IL1RAPL2: variants seen among roughly 807,000 people sequenced by gnomAD.
IL1RAPL2 encodes X-linked interleukin-1 receptor accessory protein-like 2.
In IL1RAPL2, 3 loss-of-function variants were observed where a neutral mutation model predicts 44.1. The ratio of observed to expected loss-of-function variants is 0.07; its 90% confidence interval spans 0.03 to 0.18. The LOEUF (loss-of-function observed/expected upper bound fraction) is 0.18. IL1RAPL2 is among the 10% of genes least tolerant of loss of function. IL1RAPL2 has a pLI of 1.00. For missense variants in IL1RAPL2, 391 were observed against 496.4 expected (o/e 0.79, Z 2.02); for synonymous variants, 181 against 178.8 (o/e 1.01, Z -0.10).
chrX:105,624,974 GA>G (rs760768246), intron 6 of IL1RAPL2, among the ~76,000 whole-genome samples: 1 of 111,952 alleles, frequency 8.9e-6, no homozygotes, highest in African/African-American at 3.2e-5. Flanking sequence ...ATTTCTTTAT[GA>G]TATACAACAG....
intron 6 of IL1RAPL2, among the ~76,000 whole-genome samples, chrX:105,537,601 C>A (rs909209051): frequency 8.9e-6 from 1 of 111,888 alleles, no homozygotes; most frequent in African/African-American, 3.3e-5. Flanking sequence ...ATCAATACTG[C>A]TTGAGTGTGA....
At chrX:105,676,077 A>AT (rs1469518368) in intron 6 of IL1RAPL2, 7 of 111,456 alleles carry the variant, frequency 6.3e-5, no homozygotes, top group Admixed American at 1.9e-4. Flanking sequence ...AGCTAAAAAT[A>AT]TGGAACACTT....
chrX:104,683,135 G>A (rs1930919127), intron 2 of IL1RAPL2, among the ~76,000 whole-genome samples: 1 of 111,449 alleles, frequency 9.0e-6, no homozygotes, highest in South Asian at 3.8e-4. Flanking sequence ...TACACTTGCT[G>A]TATACTGCCC....
At chrX:104,628,800 T>G (rs746930598) in intron 1 of IL1RAPL2, among the ~76,000 whole-genome samples, 1 of 112,570 alleles carries the variant, frequency 8.9e-6, no homozygotes, top group East Asian at 2.8e-4. Flanking sequence ...CCAGGAATTC[T>G]TTTTGTATGA....
At position 105,309,890 on chromosome X, in the gene IL1RAPL2, A is replaced by G. The variant is rs185030425; in HGVS notation, c.697+42349A>G. ...CAAGTATACATATGTGTATGTGTGC[A>G]TATTTATATATAAAGGCCTTTTGCA... On this transcript the variant is annotated intron_variant, in intron 5 of 10. Transcript: ENST00000372582. Among the ~76,000 whole-genome samples the G allele has an allele frequency of 4.4e-3, 495 of 111,747 alleles. 4 individuals are homozygous for G. Among genetic ancestry groups the G allele is most frequent in the African/African-American group, 0.015 (467 of 30,751 alleles).
intron 5 of IL1RAPL2, among the ~76,000 whole-genome samples, chrX:105,460,298 T>C (rs944980141): frequency 1.8e-5 from 2 of 111,226 alleles, no homozygotes; most frequent in East Asian, 5.7e-4. Context: ...TGAAAAATCT[T>C]ATCGTATGTC....
rs1394504781 is a variant in IL1RAPL2 at position 104,611,285 on chromosome X, C to T, written c.-20+44234C>T. On this transcript the variant is annotated intron_variant, in intron 1 of 10. Coordinates refer to ENST00000372582, the MANE Select transcript of IL1RAPL2 (RefSeq NM_017416.2). Reference sequence around the variant, plus strand: ...AGCACCTTCCCCCAGGTGCTCTGTCCCAGGGAGATGAGGGTTTTGTCTACA... The same window carrying T: ...AGCACCTTCCCCCAGGTGCTCTGTCTCAGGGAGATGAGGGTTTTGTCTACA... 2.7e-5 allele frequency among the ~76,000 whole-genome samples: 3 copies of T among 111,154 alleles called. No individual in the cohort carries two copies. The Admixed American group carries it at 2.9e-4, about 11-fold the overall frequency.
intron 6 of IL1RAPL2, among the ~76,000 whole-genome samples, chrX:105,663,173 TAGG>T (rs1256505571): frequency 8.9e-6 from 1 of 111,753 alleles, no homozygotes; most frequent in African/African-American, 3.3e-5. Context: ...TTGTAAAAAC[TAGG>T]AGATGAATTG....
chrX:104,613,555 G>A (rs183866757), intron 1 of IL1RAPL2, among the ~76,000 whole-genome samples: 48 of 111,679 alleles, frequency 4.3e-4, no homozygotes, highest in Non-Finnish European at 7.3e-4. Flanking sequence ...ATGTGCTGTT[G>A]GATTTGGTTT....
Position 104,778,378 on chromosome X carries a change from A to G in IL1RAPL2, c.82+119383A>G, listed in dbSNP as rs183669274. On this transcript the variant is annotated intron_variant, in intron 2 of 10. Coordinates refer to ENST00000372582, the MANE Select transcript of IL1RAPL2 (RefSeq NM_017416.2). ...CTCTGATTCATAAGAATTATCTCCA[A>G]TATACTTCCTAAATATTTAATTTTT... is the stretch of plus-strand genomic sequence containing the variant. 1.6e-3 allele frequency among the ~76,000 whole-genome samples: 178 copies of G among 110,542 alleles called. 1 individual carries two copies. Among genetic ancestry groups the G allele is most frequent in the African/African-American group, 5.7e-3 (173 of 30,481 alleles).
intron 2 of IL1RAPL2, among the ~76,000 whole-genome samples, chrX:105,111,712 C>T (rs989303570): frequency 2.7e-5 from 3 of 111,454 alleles, no homozygotes; most frequent in Non-Finnish European, 5.6e-5. Flanking sequence ...AGTACCCTGG[C>T]GATGACAGTC....
chrX:104,581,851 A>AT (rs1453421145), intron 1 of IL1RAPL2, among the ~76,000 whole-genome samples: 1 of 110,684 alleles, frequency 9.0e-6, no homozygotes, highest in African/African-American at 3.3e-5. Context: ...TCAGATAAAA[A>AT]TTTTTTCTTT....
chrX:105,337,687 A>C lies in IL1RAPL2; in HGVS notation c.697+70146A>C, dbSNP rs764673158. Among the ~76,000 whole-genome samples the C allele has an allele frequency of 1.3e-4, 15 of 111,622 alleles. No homozygotes were observed. The East Asian group carries it at 3.1e-3, about 23-fold the overall frequency. On this transcript the variant is annotated intron_variant, in intron 5 of 10. Transcript: ENST00000372582. ...CGGGCGGATCACAAGGTCAGGAGAT[A>C]GAGACCATCCTGGCTAACATGGTGA...
intron 6 of IL1RAPL2, among the ~76,000 whole-genome samples, chrX:105,669,071 T>A (rs1408166818): frequency 9.0e-6 from 1 of 111,677 alleles, no homozygotes. Context: ...TAACATTATT[T>A]TAATAGCAAG....
intron 6 of IL1RAPL2, among the ~76,000 whole-genome samples, chrX:105,524,748 G>T (rs190007036): frequency 2.1e-4 from 23 of 110,659 alleles, no homozygotes; most frequent in Admixed American, 1.6e-3. Context: ...TTTAAATGTG[G>T]TTTTTTTAAT....
chrX:105,566,363 A>G (rs1350853260), intron 6 of IL1RAPL2, among the ~76,000 whole-genome samples: 1 of 111,518 alleles, frequency 9.0e-6, no homozygotes, highest in African/African-American at 3.3e-5. Context: ...TGTAGCATGA[A>G]GGAGAGGAAG....
At chrX:105,293,935 A>G (rs984132252) in intron 5 of IL1RAPL2, among the ~76,000 whole-genome samples, 16 of 112,499 alleles carry the variant, frequency 1.4e-4, no homozygotes, top group African/African-American at 4.8e-4. Flanking sequence ...ATATGATTTA[A>G]CTAAAAGCAG....
intron 2 of IL1RAPL2, among the ~76,000 whole-genome samples, chrX:104,677,241 A>G (rs1044564422): frequency 5.4e-5 from 6 of 110,659 alleles, no homozygotes; most frequent in Non-Finnish European, 1.1e-4. Context: ...TATACTTTTG[A>G]TCTTTGATGA....
intron 9 of IL1RAPL2, among the ~76,000 whole-genome samples, chrX:105,752,215 C>A (rs1349646624): frequency 8.9e-6 from 1 of 111,874 alleles, no homozygotes; most frequent in Admixed American, 9.6e-5. Flanking sequence ...CACACACACA[C>A]ACATACTATA....
Sources: allele counts gnomAD v4.1 joint callset (sites outside exome capture counted in the v4.1 genomes callset), GRCh38; gene constraint gnomAD v4.1.1; transcripts MANE v1.5; gene names NCBI Gene and HGNC (gene_info 2026-07-23, HGNC 2026-07-21).